ASIC2: variants seen among roughly 807,000 people sequenced by gnomAD.
ASIC2 encodes acid-sensing ion channel 2.
A neutral mutation model predicts 57.3 loss-of-function variants in ASIC2; 25 were observed. That is an observed-to-expected ratio of 0.44 (90% confidence interval 0.32 to 0.61). The LOEUF is 0.61. Among genes scored for constraint, ASIC2 ranks in the 20% least tolerant of loss-of-function variants. The pLI is 0.06. For missense variants in ASIC2, 641 were observed against 738.1 expected, an observed-to-expected ratio of 0.87 and a Z score of 1.52; for synonymous variants, 319 against 307.5, an observed-to-expected ratio of 1.04 and a Z score of -0.39.
chr17:33,872,301 C>T (rs1186286434), intron 1 of ASIC2, among the ~76,000 whole-genome samples: 1 of 152,078 alleles, frequency 6.6e-6, no homozygotes, highest in African/African-American at 2.4e-5. Context: ...GAAGCCAAGA[C>T]CCTACACACA....
chr17:33,811,186 CCCAGCTCTTCAGCCCTGCCTGCT>C (rs1325842626), intron 1 of ASIC2, among the ~76,000 whole-genome samples: 1 of 152,178 alleles, frequency 6.6e-6, no homozygotes, highest in Non-Finnish European at 1.5e-5. Context: ...AAGCACATTG[CCCAGCTCTTCAGCCCTGCCTGCT>C]CCAGCCCTCC....
intron 1 of ASIC2, among the ~76,000 whole-genome samples, chr17:33,951,759 T>A (rs1485180333): frequency 1.0e-5 from 1 of 97,974 alleles, no homozygotes; most frequent in Non-Finnish European, 2.5e-5. Flanking sequence ...ATTTTTGTAT[T>A]TTTTTTTTTT....
At chr17:33,503,200 ATGG>A (rs1420731339) in intron 1 of ASIC2, among the ~76,000 whole-genome samples, 1 of 152,228 alleles carries the variant, frequency 6.6e-6, no homozygotes, top group Non-Finnish European at 1.5e-5. Context: ...AGATGAGAGA[ATGG>A]TGATGAAGAT....
chr17:33,793,654 C>T (rs1911836204), intron 1 of ASIC2: 1 of 152,186 alleles, frequency 6.6e-6, no homozygotes, highest in Non-Finnish European at 1.5e-5. Flanking sequence ...GGAGCCAAAT[C>T]CATGTATTCT....
At chr17:33,245,520 G>T (rs1215279845) in intron 1 of ASIC2, among the ~76,000 whole-genome samples, 1 of 152,200 alleles carries the variant, frequency 6.6e-6, no homozygotes, top group Non-Finnish European at 1.5e-5. Flanking sequence ...CTATGAAGAG[G>T]CAGACAATGC....
At chr17:34,047,830 T>C (rs935116434) in intron 1 of ASIC2, among the ~76,000 whole-genome samples, 18 of 152,136 alleles carry the variant, frequency 1.2e-4, no homozygotes, top group African/African-American at 4.3e-4. Flanking sequence ...GAACTGAAGA[T>C]AAACTTGTAA....
intron 1 of ASIC2, among the ~76,000 whole-genome samples, chr17:33,928,802 G>C (rs769902596): frequency 1.3e-5 from 2 of 152,162 alleles, no homozygotes; most frequent in Non-Finnish European, 2.9e-5. Context: ...TGTCAGGGGA[G>C]AGATGAGACT....
chr17:33,787,652 T>C (rs901663595), intron 1 of ASIC2, among the ~76,000 whole-genome samples: 2 of 152,182 alleles, frequency 1.3e-5, no homozygotes, highest in Non-Finnish European at 2.9e-5. Flanking sequence ...GGGTGACAAG[T>C]AAAACAGTGG....
intron 1 of ASIC2, among the ~76,000 whole-genome samples, chr17:33,515,199 G>A (rs1914530241): frequency 6.6e-6 from 1 of 152,192 alleles, no homozygotes; most frequent in Admixed American, 6.5e-5. Flanking sequence ...GAAGCTCTGG[G>A]GTTGGGAGGG....
At chr17:33,610,514 A>T (rs1010660682) in intron 1 of ASIC2, among the ~76,000 whole-genome samples, 2 of 152,096 alleles carry the variant, frequency 1.3e-5, no homozygotes, top group Non-Finnish European at 2.9e-5. Context: ...TAATGGTCTG[A>T]GTATTATTTT....
At chr17:33,725,010 C>T (rs1909501826) in intron 1 of ASIC2, among the ~76,000 whole-genome samples, 1 of 152,262 alleles carries the variant, frequency 6.6e-6, no homozygotes, top group South Asian at 2.1e-4. Context: ...CAGCCGAGAT[C>T]TGAAAGGCAG....
At chr17:33,509,495 C>T (rs1597757172) in intron 1 of ASIC2, among the ~76,000 whole-genome samples, 1 of 152,226 alleles carries the variant, frequency 6.6e-6, no homozygotes, top group Admixed American at 6.5e-5. Context: ...TTCCCTCCCA[C>T]ACTGCTCGCT....
At chr17:33,325,161 G>A (rs961376715) in intron 1 of ASIC2, among the ~76,000 whole-genome samples, 1 of 152,174 alleles carries the variant, frequency 6.6e-6, no homozygotes, top group Non-Finnish European at 1.5e-5. Flanking sequence ...GCTAGATCTT[G>A]GCTCTGTGGA....
rs1912767966 is a variant in ASIC2 at position 33,822,300 on chromosome 17, A to G, written c.555+333678T>C. Among the ~76,000 whole-genome samples the G allele has an allele frequency of 2.0e-5, 3 of 152,224 alleles. No homozygotes were observed. In the South Asian group the frequency reaches 6.2e-4, roughly 32 times the overall value. On this transcript the variant is annotated intron_variant, in intron 1 of 9. Coordinates refer to the ASIC2 transcript ENST00000359872. The stretch of plus-strand genomic sequence containing the variant: ...TCCTGCATTGGGCTTTAGAGGTAAC[A>G]CTTTAGATGAATAAAGCATGCACTT...
chr17:34,136,741 T>C (rs1013225296), intron 1 of ASIC2, among the ~76,000 whole-genome samples: 5 of 152,220 alleles, frequency 3.3e-5, no homozygotes, highest in South Asian at 4.1e-4. Flanking sequence ...TCAAGACCTG[T>C]GTCATGAGCC....
At chr17:33,570,191 T>C (rs1916387079) in intron 1 of ASIC2, among the ~76,000 whole-genome samples, 1 of 152,240 alleles carries the variant, frequency 6.6e-6, no homozygotes, top group Non-Finnish European at 1.5e-5. Flanking sequence ...GACTTTTGTG[T>C]CCTTAAATTT....
chr17:33,831,169 T>G (rs1222094389), intron 1 of ASIC2, among the ~76,000 whole-genome samples: 1 of 138,020 alleles, frequency 7.2e-6, no homozygotes, highest in East Asian at 2.3e-4. Flanking sequence ...TTGGCTGCCC[T>G]TTTAAGAAAA....
At chr17:33,284,869 C>G (rs541628759) in intron 1 of ASIC2, among the ~76,000 whole-genome samples, 3 of 152,324 alleles carry the variant, frequency 2.0e-5, no homozygotes, top group Admixed American at 2.0e-4. Context: ...CAGCCCCACT[C>G]CCTGTATATC....
chr17:34,064,415 G>C (rs1469073603), intron 1 of ASIC2, among the ~76,000 whole-genome samples: 1 of 152,100 alleles, frequency 6.6e-6, no homozygotes, highest in Non-Finnish European at 1.5e-5. Context: ...ACCTGAAACT[G>C]TAAGAATTCT....
Sources: allele counts gnomAD v4.1 joint callset (sites outside exome capture counted in the v4.1 genomes callset), GRCh38; gene constraint gnomAD v4.1.1; transcripts MANE v1.5; gene names NCBI Gene and HGNC (gene_info 2026-07-23, HGNC 2026-07-21).